The following RFX3 variants were observed in gnomAD, a reference collection of about 807,000 sequenced individuals.
RFX3 encodes transcription factor RFX3.
In RFX3, 14 loss-of-function variants were observed where a neutral mutation model predicts 98.6. The observed-to-expected ratio is 0.14, with a 90% confidence interval of 0.09 to 0.22. The LOEUF is 0.22. RFX3 is among the 10% of genes least tolerant of loss of function. The probability of loss-of-function intolerance (pLI) is 1.00; values close to 1 mark genes in which losing one functional copy is unlikely to be tolerated. For synonymous variants in RFX3, 383 were observed against 328.4 expected (o/e 1.17, Z -1.80); for missense variants, 639 against 926.9 (o/e 0.69, Z 4.03).
intron 1 of RFX3, among the ~76,000 whole-genome samples, chr9:3,397,561 TA>T (rs1564045498): frequency 1.3e-5 from 2 of 152,186 alleles, no homozygotes; most frequent in African/African-American, 4.8e-5. Context: ...TCTTATTTTG[TA>T]AACGAGGAAC....
rs550298335 is a variant in RFX3, at chr9:3,244,708, C to T, written c.1968+3324G>A. Among the ~76,000 whole-genome samples the T allele has an allele frequency of 9.2e-5, 14 of 152,292 alleles. No individual in the cohort carries two copies. In the East Asian group the frequency reaches 2.3e-3, roughly 25 times the overall value. On this transcript the variant is annotated intron_variant, in intron 15 of 16. Coordinates refer to ENST00000617270, the MANE Select transcript of RFX3 (RefSeq NM_001282116.2). The stretch of plus-strand genomic sequence containing the variant: ...ACATCACTTCCTTGGGAAAGACTTC[C>T]CTGGTCCTCCCAGGCTAGATTTAGG...
At chr9:3,434,378 A>C (rs1031947857) in intron 1 of RFX3, among the ~76,000 whole-genome samples, 3 of 152,130 alleles carry the variant, frequency 2.0e-5, no homozygotes, top group Non-Finnish European at 2.9e-5. Flanking sequence ...ATTCGCATGT[A>C]AGCTTACCAA....
intron 1 of RFX3, among the ~76,000 whole-genome samples, chr9:3,435,802 TAAAAAA>T (rs34925429): frequency 3.1e-5 from 3 of 97,634 alleles, no homozygotes; most frequent in East Asian, 5.7e-4. Flanking sequence ...ATCTGCATTG[TAAAAAA>T]AAAAAAAAAA....
intron 4 of RFX3, among the ~76,000 whole-genome samples, chr9:3,308,953 G>A (rs1829649071): frequency 6.6e-6 from 1 of 152,016 alleles, no homozygotes; most frequent in African/African-American, 2.4e-5. Context: ...CTTCATTTGG[G>A]CAAGACGATC....
At chr9:3,263,105 G>T (rs1485859933) in intron 12 of RFX3, 21 bp from the exon 13 acceptor site, 1 of 1,609,004 alleles carries the variant, frequency 6.2e-7, no homozygotes, top group Non-Finnish European at 8.5e-7. Context: ...ATCCAATTAA[G>T]TTGGGATTCT....
At chr9:3,227,199 A>G (rs1445432012) in intron 16 of RFX3, among the ~76,000 whole-genome samples, 2 of 152,180 alleles carry the variant, frequency 1.3e-5, no homozygotes, top group Admixed American at 6.5e-5. Context: ...TGAAAAGACA[A>G]AAGCTCATTT....
chr9:3,389,522 G>C (rs919598485), intron 2 of RFX3, among the ~76,000 whole-genome samples: 5 of 152,054 alleles, frequency 3.3e-5, no homozygotes, highest in African/African-American at 1.2e-4. Context: ...TGTTTTGTGA[G>C]ATCATGAAAA....
intron 1 of RFX3, chr9:3,489,242 G>A (rs890118734): frequency 6.8e-5 from 11 of 161,584 alleles, no homozygotes; most frequent in Non-Finnish European, 1.2e-4. Context: ...AGGTAAGGAA[G>A]TAATTTGGAT....
intron 2 of RFX3, among the ~76,000 whole-genome samples, chr9:3,357,061 T>G (rs1346243737): frequency 6.6e-6 from 1 of 151,364 alleles, no homozygotes; most frequent in Non-Finnish European, 1.5e-5. Context: ...AAAATACAAA[T>G]ATTATATTTA....
At chr9:3,435,907 T>C (rs1366295633) in intron 1 of RFX3, among the ~76,000 whole-genome samples, 4 of 151,614 alleles carry the variant, frequency 2.6e-5, no homozygotes, top group African/African-American at 9.7e-5. Flanking sequence ...CAATAACTAA[T>C]TAGATCAAGA....
At chr9:3,437,699 G>T (rs759784679) in intron 1 of RFX3, among the ~76,000 whole-genome samples, 7 of 151,978 alleles carry the variant, frequency 4.6e-5, no homozygotes, top group Non-Finnish European at 8.8e-5. Flanking sequence ...GTGCTGATTT[G>T]CCGGTTTCAA....
chr9:3,407,901 A>T (rs1224591838), intron 1 of RFX3, among the ~76,000 whole-genome samples: 1 of 152,178 alleles, frequency 6.6e-6, no homozygotes, highest in Non-Finnish European at 1.5e-5. Flanking sequence ...CAATACAGAT[A>T]GGCTTGTTGG....
intron 13 of RFX3, among the ~76,000 whole-genome samples, chr9:3,257,439 G>C (rs1198151116): frequency 6.6e-6 from 1 of 152,138 alleles, no homozygotes; most frequent in Non-Finnish European, 1.5e-5. Flanking sequence ...ACACATGTAA[G>C]TATCATTTGG....
intron 1 of RFX3, among the ~76,000 whole-genome samples, chr9:3,464,361 A>G (rs1848002506): frequency 6.6e-6 from 1 of 152,236 alleles, no homozygotes. Flanking sequence ...TGTTTTATTC[A>G]TAATAGCTAA....
chr9:3,503,810 C>T (rs1396893957), intron 1 of RFX3, among the ~76,000 whole-genome samples: 1 of 151,924 alleles, frequency 6.6e-6, no homozygotes, highest in South Asian at 2.1e-4. Flanking sequence ...ATATAAAACA[C>T]TGAAGAGCAT....
chr9:3,288,077 G>A (rs1234026845), intron 7 of RFX3, 54 bp downstream of exon 7: 23 of 1,560,830 alleles, frequency 1.5e-5, no homozygotes, highest in South Asian at 7.2e-5. Flanking sequence ...AAGGAGACCC[G>A]AACAACTAAG....
intron 2 of RFX3, among the ~76,000 whole-genome samples, chr9:3,372,786 A>G (rs1350692471): frequency 2.0e-5 from 3 of 151,912 alleles, no homozygotes; most frequent in Non-Finnish European, 4.4e-5. Flanking sequence ...GGGTTTTACC[A>G]TGTTGGCCAG....
intron 1 of RFX3, among the ~76,000 whole-genome samples, chr9:3,452,685 C>A (rs1846767378): frequency 6.6e-6 from 1 of 152,178 alleles, no homozygotes; most frequent in Admixed American, 6.5e-5. Flanking sequence ...GGGAAAAAGA[C>A]ATACTTTGCA....
At chr9:3,261,247 C>A (rs1325126359) in intron 13 of RFX3, among the ~76,000 whole-genome samples, 1 of 152,028 alleles carries the variant, frequency 6.6e-6, no homozygotes, top group Non-Finnish European at 1.5e-5. Flanking sequence ...CAATTTTAGA[C>A]CTTTTTAATT....
Sources: gnomAD v4.1 joint callset for allele counts (sites outside exome capture counted in the v4.1 genomes callset) on GRCh38, gnomAD v4.1.1 for gene constraint, MANE v1.5 for transcripts, NCBI Gene and HGNC (gene_info 2026-07-23, HGNC 2026-07-21) for gene names.